TMTC1: variants seen among roughly 807,000 people sequenced by gnomAD.
The protein encoded by TMTC1 is transmembrane O-mannosyltransferase targeting cadherins 1.
TMTC1 carries 73 observed loss-of-function variants against 104.8 expected under a neutral mutation model. The observed-to-expected ratio is 0.70, with a 90% CI of 0.58 to 0.85. The LOEUF (loss-of-function observed/expected upper bound fraction) is 0.85. TMTC1 is among the 40% of genes least tolerant of loss of function. TMTC1 has a pLI of 0.00. For missense variants in TMTC1, 1,035 were observed against 1,096.1 expected (o/e 0.94, Z 0.79); for synonymous variants, 434 against 428.7 (o/e 1.01, Z -0.15).
In TMTC1 at chr12:29,685,147, C is replaced by T. The variant is rs1452357731; in HGVS notation, c.939-51811G>A. ...TATTTCAACTCTAAGGAAATATTTT[C>T]CTAACTAGATATCAAGTACTATCAT... On this transcript the variant is annotated intron_variant, in intron 5 of 17. Coordinates refer to ENST00000539277, the MANE Select transcript of TMTC1 (RefSeq NM_001193451.2). 3.3e-5 allele frequency among the ~76,000 whole-genome samples: 5 copies of T among 151,866 alleles called. No homozygotes were observed. The East Asian group carries it at 9.6e-4, about 29-fold the overall frequency.
chr12:29,634,114 C>T (rs955693158), intron 5 of TMTC1, among the ~76,000 whole-genome samples: 3 of 152,198 alleles, frequency 2.0e-5, no homozygotes, highest in Admixed American at 6.5e-5. Flanking sequence ...GGGATGACCC[C>T]AGCCCCTCAT....
chr12:29,643,640 T>TATGTTATATTATATATAATATATAG (rs1939019590), intron 5 of TMTC1, among the ~76,000 whole-genome samples: 2 of 32,110 alleles, frequency 6.2e-5, no homozygotes, highest in African/African-American at 1.6e-4. Context: ...ATATATATAA[T>TATGTTATATTATATATAATATATAG]ATATATGTTA....
At chr12:29,691,186 T>A (rs1332423339) in intron 5 of TMTC1, among the ~76,000 whole-genome samples, 3 of 152,186 alleles carry the variant, frequency 2.0e-5, no homozygotes, top group Non-Finnish European at 4.4e-5. Context: ...GGGAATAACA[T>A]CACTATTGTA....
chr12:29,522,810 C>G (rs1035006535), intron 11 of TMTC1, among the ~76,000 whole-genome samples: 17 of 152,296 alleles, frequency 1.1e-4, no homozygotes, highest in South Asian at 4.2e-4. Flanking sequence ...TCTTACCCAC[C>G]ATGTGCCCCA....
At chr12:29,643,683 T>TATATA (rs1939033173) in intron 5 of TMTC1, among the ~76,000 whole-genome samples, 13 of 13,632 alleles carry the variant, frequency 9.5e-4, no homozygotes, top group African/African-American at 1.8e-3. Flanking sequence ...ATCTATATAT[T>TATATA]ATATATATTA....
At chr12:29,768,771 C>T (rs993596874) in intron 1 of TMTC1, among the ~76,000 whole-genome samples, 2 of 152,226 alleles carry the variant, frequency 1.3e-5, no homozygotes, top group East Asian at 1.9e-4. Flanking sequence ...AAGACTGTGA[C>T]AAAGCAATTA....
chr12:29,514,373 CA>C (rs1234349341), intron 16 of TMTC1, 108 bp downstream of exon 16: 1 of 1,195,786 alleles, frequency 8.4e-7, no homozygotes, highest in African/African-American at 1.5e-5. Context: ...ACTCCATAAA[CA>C]TACATGCCAG....
chr12:29,577,574 A>G (rs1440060307), intron 8 of TMTC1, among the ~76,000 whole-genome samples: 1 of 152,126 alleles, frequency 6.6e-6, no homozygotes, highest in Non-Finnish European at 1.5e-5. Flanking sequence ...CCTGGTGACC[A>G]TTTCATTCCC....
intron 7 of TMTC1, among the ~76,000 whole-genome samples, chr12:29,601,754 G>C (rs529971701): frequency 6.6e-6 from 1 of 151,718 alleles, no homozygotes; most frequent in East Asian, 1.9e-4. Flanking sequence ...CTACCTCAGG[G>C]AACTGATATC....
intron 5 of TMTC1, among the ~76,000 whole-genome samples, chr12:29,664,575 A>G (rs1940200297): frequency 6.6e-6 from 1 of 152,252 alleles, no homozygotes; most frequent in African/African-American, 2.4e-5. Context: ...AATACTATTA[A>G]CAGCAATAAT....
intron 4 of TMTC1, among the ~76,000 whole-genome samples, chr12:29,752,782 T>G (rs1943122836): frequency 6.6e-6 from 1 of 152,068 alleles, no homozygotes; most frequent in South Asian, 2.1e-4. Context: ...AAAATAACAC[T>G]TTTGCTATTC....
intron 7 of TMTC1, among the ~76,000 whole-genome samples, chr12:29,590,837 C>T (rs1384326391): frequency 6.6e-6 from 1 of 152,040 alleles, no homozygotes; most frequent in Non-Finnish European, 1.5e-5. Flanking sequence ...CCACTTGTAA[C>T]TGCTGCTAAT....
chr12:29,517,612 A>G (rs1194547511), intron 13 of TMTC1, 41 bp from the exon 14 acceptor site: 2 of 1,612,420 alleles, frequency 1.2e-6, no homozygotes, highest in Admixed American at 3.3e-5. Flanking sequence ...CTCTTCTAAT[A>G]GGTACATTTC....
intron 5 of TMTC1, among the ~76,000 whole-genome samples, chr12:29,662,583 G>A (rs1237957297): frequency 6.7e-6 from 1 of 149,140 alleles, no homozygotes; most frequent in African/African-American, 2.5e-5. Flanking sequence ...CCGGGAGGCG[G>A]AGGTTGCAGT....
chr12:29,696,376 A>C (rs1941424441), intron 5 of TMTC1, among the ~76,000 whole-genome samples: 1 of 152,192 alleles, frequency 6.6e-6, no homozygotes, highest in Admixed American at 6.5e-5. Context: ...ACAGGTTTAG[A>C]AACTTCACTT....
intron 9 of TMTC1, among the ~76,000 whole-genome samples, chr12:29,560,513 C>G (rs1303770830): frequency 6.6e-6 from 1 of 152,020 alleles, no homozygotes; most frequent in Non-Finnish European, 1.5e-5. Flanking sequence ...AATCCCAGCA[C>G]TTTGGGAGGT....
At chr12:29,597,198 T>TTTTTC (rs371537051) in intron 7 of TMTC1, among the ~76,000 whole-genome samples, 2,229 of 151,708 alleles carry the variant, frequency 0.015, 54 homozygotes, top group African/African-American at 0.05. Context: ...GTGAACTTTT[T>TTTTTC]TTTTCTTTTC....
In TMTC1 at chr12:29,572,172, A is replaced by G; in HGVS notation, c.1465T>C (p.Tyr489His). Reference protein sequence around the residue: ...LPHNAKVHYNYANFLKDQGRN... With the variant: ...LPHNAKVHYNHANFLKDQGRN... Reference sequence around the variant, plus strand: ...CCTTGGTCCTTCAGGAAATTGGCATAGTTGTAGTGAACCTTGGCATTGTGG... The same window carrying G: ...CCTTGGTCCTTCAGGAAATTGGCATGGTTGTAGTGAACCTTGGCATTGTGG... Residue 489 changes from tyrosine (Y) to histidine (H), a missense_variant, in exon 9 of 18, where the codon TAT becomes CAT. Transcript: ENST00000539277. 1 of 1,614,024 alleles carries G rather than the reference A, an allele frequency of 6.2e-7. No individual in the cohort carries two copies. Among genetic ancestry groups the G allele is most frequent in the Non-Finnish European group, 8.5e-7 (1 of 1,179,882 alleles).
At chr12:29,531,727 TTC>T (rs1944509297) in intron 11 of TMTC1, among the ~76,000 whole-genome samples, 1 of 152,210 alleles carries the variant, frequency 6.6e-6, no homozygotes, top group Non-Finnish European at 1.5e-5. Flanking sequence ...TTATCTTCTG[TTC>T]TCAGTTTTCT....
Sources: gnomAD v4.1 joint callset for allele counts (sites outside exome capture counted in the v4.1 genomes callset) on GRCh38, gnomAD v4.1.1 for gene constraint, MANE v1.5 for transcripts, NCBI Gene and HGNC (gene_info 2026-07-23, HGNC 2026-07-21) for gene names.